The following KAT6A variants were observed in gnomAD, a reference collection of about 807,000 sequenced individuals.
KAT6A encodes the protein histone acetyltransferase KAT6A.
In KAT6A, 9 loss-of-function variants were observed where a neutral mutation model predicts 198.4. The observed-to-expected ratio is 0.05, with a 90% CI of 0.03 to 0.08. The LOEUF is 0.08. Among genes scored for constraint, KAT6A ranks in the 10% least tolerant of loss-of-function variants. KAT6A has a pLI of 1.00. For missense variants in KAT6A, 2,077 were observed against 2,509.9 expected, an observed-to-expected ratio of 0.83 and a Z score of 3.69; for synonymous variants, 890 against 883.0, an observed-to-expected ratio of 1.01 and a Z score of -0.14.
At chr8:42,047,548 A>G (rs1380896816) in intron 2 of KAT6A, among the ~76,000 whole-genome samples, 2 of 152,092 alleles carry the variant, frequency 1.3e-5, no homozygotes, top group African/African-American at 4.8e-5. Flanking sequence ...CCAAGTAGCT[A>G]GGACTACAGG....
rs780667313 is a variant in KAT6A, at chr8:41,980,833, A to T, written c.907+13T>A. The T allele has an allele frequency of 1.6e-5, 26 of 1,589,000 alleles. No individual in the cohort carries two copies. Among genetic ancestry groups the T allele is most frequent in the Non-Finnish European group, 1.6e-5 (18 of 1,157,382 alleles). On this transcript the variant is annotated intron_variant, in intron 5 of 16. Transcript: ENST00000265713. ...TTTATATTCCCAGTTTTATTTCAGA[A>T]AGTATTTCTCACCTTTTGGCATACG...
chr8:42,028,224 T>G (rs150560782), intron 2 of KAT6A, among the ~76,000 whole-genome samples: 13 of 152,322 alleles, frequency 8.5e-5, no homozygotes, highest in African/African-American at 3.1e-4. Flanking sequence ...CTGGATAAAA[T>G]GTTCTGTAAA....
At chr8:41,955,535 A>T (rs1822879824) in intron 8 of KAT6A, 124 bp from the exon 9 acceptor site, 1 of 616,942 alleles carries the variant, frequency 1.6e-6, no homozygotes, top group Non-Finnish European at 2.9e-6. Context: ...AACAAAAGCC[A>T]GAACAAGCTA....
In KAT6A at chr8:41,941,369, T is replaced by G; in HGVS notation, c.2512A>C (p.Met838Leu). The change falls in exon 15 of 17, where the codon ATG becomes CTG. Residue 838 changes from methionine to leucine, a missense_variant. Coordinates refer to ENST00000265713, the MANE Select transcript of KAT6A (RefSeq NM_006766.5). Reference sequence around the variant, plus strand: ...AAACGTGTAGAACTGACTGGAGCCATAACTTCTGGTTTCTTTTCACTTTCT... The same window carrying G: ...AAACGTGTAGAACTGACTGGAGCCAGAACTTCTGGTTTCTTTTCACTTTCT... ...SVESEKKPEV[M>L]APVSSTRLSK... The G allele has an allele frequency of 6.2e-7, 1 of 1,611,638 alleles. No individual in the cohort carries two copies. Among genetic ancestry groups the G allele is most frequent in the Middle Eastern group, 1.6e-4 (1 of 6,062 alleles).
chr8:41,943,638 G>T, intron 13 of KAT6A, 110 bp downstream of exon 13: 1 of 677,840 alleles, frequency 1.5e-6, no homozygotes. Flanking sequence ...TTATCACCAA[G>T]TATATCATTT....
Position 41,959,080 on chromosome 8 carries a change from G to A in KAT6A, c.1483-3669C>T, listed in dbSNP as rs190227704. 2.7e-5 allele frequency among the ~76,000 whole-genome samples: 4 copies of A among 146,568 alleles called. No homozygotes were observed. In the East Asian group the frequency reaches 8.2e-4, roughly 30 times the overall value. On this transcript the variant is annotated intron_variant, in intron 8 of 16. Transcript: ENST00000265713. ...AGAGGCTGAGGCAGGAGAATGGGGT[G>A]AACCCAGGAGGCAGAGCTTGCAATG... is the stretch of plus-strand genomic sequence containing the variant.
At chr8:41,944,845 T>G (rs1364779021) in intron 12 of KAT6A, among the ~76,000 whole-genome samples, 1 of 152,154 alleles carries the variant, frequency 6.6e-6, no homozygotes, top group Non-Finnish European at 1.5e-5. Context: ...AAGGAAGTAA[T>G]CTGAGTTCCA....
intron 7 of KAT6A, 120 bp downstream of exon 7, chr8:41,976,886 TTC>T (rs1233819642): frequency 4.8e-6 from 4 of 826,742 alleles, no homozygotes; most frequent in Non-Finnish European, 7.3e-6. Context: ...TTTCAATGTG[TTC>T]TTATATTCTA....
intron 2 of KAT6A, among the ~76,000 whole-genome samples, chr8:42,018,317 C>T (rs1826365757): frequency 6.6e-6 from 1 of 152,098 alleles, no homozygotes; most frequent in South Asian, 2.1e-4. Flanking sequence ...GGGCGGATCA[C>T]CTGTGGTCAG....
chr8:42,024,134 C>A (rs1036405050), intron 2 of KAT6A, among the ~76,000 whole-genome samples: 14 of 152,070 alleles, frequency 9.2e-5, no homozygotes, highest in African/African-American at 3.4e-4. Context: ...AAAGCAGTAA[C>A]AGGTAGTTGC....
At chr8:42,013,521 C>A (rs544871259) in intron 2 of KAT6A, among the ~76,000 whole-genome samples, 2 of 152,214 alleles carry the variant, frequency 1.3e-5, no homozygotes, top group Non-Finnish European at 2.9e-5. Context: ...GCGTAAGCCA[C>A]CACGCCCGGC....
chr8:41,957,111 GGATGCCC>G, intron 8 of KAT6A: 1 of 604,830 alleles, frequency 1.7e-6, no homozygotes, highest in South Asian at 1.4e-5. Context: ...TCTTCTAGGC[GGATGCCC>G]GATGTGAAAG....
rs1196015485 is a variant in KAT6A at position 41,931,925 on chromosome 8, TG to T, written c.*279del. 6 of 291,532 alleles carry T rather than the reference TG, an allele frequency of 2.1e-5. No individual in the cohort carries two copies. Among genetic ancestry groups the T allele is most frequent in the East Asian group, 1.1e-4 (2 of 18,876 alleles). The allele number at this position is 291,532 out of a possible 1,614,324, so 18.1% of individuals were successfully genotyped here. A position where few individuals can be genotyped will look rare whatever the true frequency, so the allele number is the denominator to read the frequency against. ...AAGAAAGTAAGGCTCTTTTTAATTA[TG>T]AAAAGATTTTGTGCATGTTTCCCCA... is the stretch of plus-strand genomic sequence containing the variant. On this transcript the variant is annotated 3_prime_UTR_variant, in exon 17 of 17. Transcript: ENST00000265713.
chr8:41,960,506 CAAA>C (rs71548553), intron 8 of KAT6A, among the ~76,000 whole-genome samples: 1 of 85,182 alleles, frequency 1.2e-5, no homozygotes, highest in Admixed American at 1.2e-4. Flanking sequence ...GACTCCGTCT[CAAA>C]AAAAAAAAAA....
intron 2 of KAT6A, among the ~76,000 whole-genome samples, chr8:41,994,961 C>G (rs771723452): frequency 6.6e-6 from 1 of 151,942 alleles, no homozygotes; most frequent in Non-Finnish European, 1.5e-5. Context: ...AAGGCTGACG[C>G]AGGAGAATCG....
intron 2 of KAT6A, among the ~76,000 whole-genome samples, chr8:42,010,308 T>C (rs1415814427): frequency 6.6e-6 from 1 of 152,110 alleles, no homozygotes; most frequent in African/African-American, 2.4e-5. Flanking sequence ...ATACCATCTA[T>C]TGACAATAGG....
In KAT6A at chr8:41,932,783, G is replaced by A; in HGVS notation, c.5437C>T (p.Pro1813Ser). Residue 1813 changes from proline to serine, a missense_variant, in exon 17 of 17, where the codon CCC (proline) becomes TCC (serine). By Grantham distance (74) the Pro-to-Ser change is moderately conservative. Around this residue, in one of 13 missense-constraint regions of KAT6A, gnomAD observed 500 missense variants for 577.2 expected, o/e 0.87. Transcript: ENST00000265713. ...ATGGTAGTGGATGCCAAGTTTGGGG[G>A]TGGCGTCATGGTGGCTTGTGCTTGA... ...TPQAQATMTP[P>S]PNLASTTMNL... 1.2e-6 allele frequency: 2 copies of A among 1,614,232 alleles called. No homozygotes were observed. The highest frequency in any genetic ancestry group is 1.7e-6 in the Non-Finnish European group (2 of 1,180,030).
At chr8:42,025,521 T>A (rs1329823791) in intron 2 of KAT6A, among the ~76,000 whole-genome samples, 1 of 152,092 alleles carries the variant, frequency 6.6e-6, no homozygotes, top group Admixed American at 6.6e-5. Flanking sequence ...TGGCTGGGCA[T>A]TTTTTTATAC....
At chr8:41,959,677 G>A (rs1427486813) in intron 8 of KAT6A, among the ~76,000 whole-genome samples, 3 of 152,238 alleles carry the variant, frequency 2.0e-5, no homozygotes, top group South Asian at 2.1e-4. Context: ...GAAGGCAATG[G>A]TTGGGCGCTG....
Sources: allele counts gnomAD v4.1 joint callset (sites outside exome capture counted in the v4.1 genomes callset), GRCh38; gene constraint gnomAD v4.1.1; regional missense constraint gnomAD v4.1.1; transcripts MANE v1.5; gene names NCBI Gene and HGNC (gene_info 2026-07-23, HGNC 2026-07-21).